CNBD1: variants seen among roughly 807,000 people sequenced by gnomAD.
CNBD1 encodes the protein cyclic nucleotide binding domain containing 1, also known as cyclic nucleotide-binding domain-containing protein 1.
A neutral mutation model predicts 54.4 loss-of-function variants in CNBD1; 71 were observed. The observed-to-expected ratio is 1.30, with a 90% CI of 1.08 to 1.59. CNBD1 has a LOEUF of 1.59. CNBD1 is among the 40% of genes most tolerant of loss of function. CNBD1 has a pLI of 0.00. For missense variants in CNBD1, 659 were observed against 518.0 expected, an observed-to-expected ratio of 1.27 and a Z score of -2.64; for synonymous variants, 182 against 170.7, an observed-to-expected ratio of 1.07 and a Z score of -0.51.
At chr8:87,288,862 A>C (rs1266824705) in intron 8 of CNBD1, among the ~76,000 whole-genome samples, 1 of 152,164 alleles carries the variant, frequency 6.6e-6, no homozygotes, top group Admixed American at 6.6e-5. Flanking sequence ...TGACAATTTC[A>C]TCTGATAATC....
chr8:87,388,164 A>G (rs1390975712), intron 2 of CNBD1, among the ~76,000 whole-genome samples: 1 of 152,190 alleles, frequency 6.6e-6, no homozygotes, highest in Non-Finnish European at 1.5e-5. Context: ...AAGATCTAAA[A>G]TTGACACCCT....
At chr8:87,282,297 A>T (rs943129892) in intron 6 of CNBD1, among the ~76,000 whole-genome samples, 1 of 151,684 alleles carries the variant, frequency 6.6e-6, no homozygotes, top group Non-Finnish European at 1.5e-5. Flanking sequence ...AAAGAGTACC[A>T]TATTAGTCAT....
Position 86,870,868 on chromosome 8 carries a change from A to T in CNBD1, c.88+4285A>T, listed in dbSNP as rs181882036. On this transcript the variant is annotated intron_variant, in intron 1 of 10. Coordinates refer to ENST00000518476, the MANE Select transcript of CNBD1 (RefSeq NM_173538.3). Reference sequence around the variant, plus strand: ...ATTCCAAGAAGGAGTAAAAGGTGGGAAAAAGGTTGAATGTTTGTGTCCATT... The same window carrying T: ...ATTCCAAGAAGGAGTAAAAGGTGGGTAAAAGGTTGAATGTTTGTGTCCATT... Among the ~76,000 whole-genome samples the T allele has an allele frequency of 3.7e-3, 568 of 152,274 alleles. 2 individuals are homozygous for T. Among genetic ancestry groups the T allele is most frequent in the Admixed American group, 4.4e-3 (67 of 15,304 alleles).
chr8:87,136,743 T>TTTATAATATATATAAATTATATATTAC (rs1812240780), intron 4 of CNBD1, among the ~76,000 whole-genome samples: 2 of 18,572 alleles, frequency 1.1e-4, no homozygotes, highest in African/African-American at 3.2e-4. Flanking sequence ...TTATATATTA[T>TTTATAATATATATAAATTATATATTAC]ATTTATAATA....
chr8:87,278,876 T>A (rs1435874091), intron 6 of CNBD1, among the ~76,000 whole-genome samples: 10 of 151,328 alleles, frequency 6.6e-5, no homozygotes, highest in African/African-American at 2.2e-4. Flanking sequence ...TGTAAAAAAA[T>A]TTTTCAATCC....
intron 3 of CNBD1, among the ~76,000 whole-genome samples, chr8:86,911,545 A>G (rs1187483095): frequency 6.6e-6 from 1 of 152,184 alleles, no homozygotes; most frequent in Non-Finnish European, 1.5e-5. Context: ...TAATCAAATC[A>G]TGGTAGTTGA....
At chr8:87,277,001 A>G (rs1247905767) in intron 6 of CNBD1, among the ~76,000 whole-genome samples, 1 of 151,566 alleles carries the variant, frequency 6.6e-6, no homozygotes, top group African/African-American at 2.4e-5. Context: ...TGAAATACAC[A>G]TCTGGTTGAA....
chr8:86,954,425 C>T (rs866227161), intron 4 of CNBD1, among the ~76,000 whole-genome samples: 3 of 152,238 alleles, frequency 2.0e-5, no homozygotes, highest in South Asian at 2.1e-4. Flanking sequence ...CCAAATAATA[C>T]TCTTTTGAAT....
intron 6 of CNBD1, among the ~76,000 whole-genome samples, chr8:87,264,912 A>G (rs1808217011): frequency 1.3e-5 from 2 of 152,038 alleles, no homozygotes; most frequent in African/African-American, 4.8e-5. Context: ...CCTTTGTCAG[A>G]TGAGTAGATT....
At chr8:87,305,560 A>G (rs1731720944) in intron 8 of CNBD1, among the ~76,000 whole-genome samples, 1 of 152,224 alleles carries the variant, frequency 6.6e-6, no homozygotes, top group Non-Finnish European at 1.5e-5. Flanking sequence ...AAATAGGCAC[A>G]TAGACCCATG....
intron 4 of CNBD1, among the ~76,000 whole-genome samples, chr8:86,951,584 A>C (rs1586157511): frequency 9.2e-6 from 1 of 108,124 alleles, no homozygotes; most frequent in East Asian, 2.2e-4. Flanking sequence ...CGTCTCACAA[A>C]AAAAAAAAAA....
rs1372106475 is a variant in CNBD1 at position 87,141,010 on chromosome 8, A to G, written c.432-64983A>G. Among the ~76,000 whole-genome samples the G allele has an allele frequency of 3.3e-5, 5 of 152,250 alleles. 1 individual carries two copies. The highest frequency in any genetic ancestry group is 9.6e-5 in the African/African-American group (4 of 41,536). On this transcript the variant is annotated intron_variant, in intron 4 of 10. Transcript: ENST00000518476. ...AGACCATAAAAGGAACATGTTTCCT[A>G]AAGTTTTTACTTCTGAACATTAATA...
intron 2 of CNBD1, among the ~76,000 whole-genome samples, chr8:87,398,797 T>G (rs1174469991): frequency 6.6e-6 from 1 of 152,028 alleles, no homozygotes; most frequent in South Asian, 2.1e-4. Flanking sequence ...CATGCCATTT[T>G]TAAAGTTTCT....
intron 4 of CNBD1, among the ~76,000 whole-genome samples, chr8:87,020,852 A>G (rs1379028985): frequency 6.6e-6 from 1 of 152,202 alleles, no homozygotes; most frequent in Non-Finnish European, 1.5e-5. Context: ...AAGTCCAATG[A>G]AAAACCATTT....
rs533946201 is a variant in CNBD1 at position 86,931,272 on chromosome 8, G to A, written c.273-8324G>A. Among the ~76,000 whole-genome samples the A allele has an allele frequency of 1.2e-4, 18 of 152,222 alleles. No homozygotes were observed. The South Asian group carries it at 1.2e-3, about 11-fold the overall frequency. ...TGTCCAGGAAGAAGTCAATTTCCTG[G>A]CCCTCAGTGGTTAAACTTACCTGGG... On this transcript the variant is annotated intron_variant, in intron 3 of 10. Transcript: ENST00000518476.
At chr8:87,134,415 G>T (rs566662194) in intron 4 of CNBD1, among the ~76,000 whole-genome samples, 1 of 152,070 alleles carries the variant, frequency 6.6e-6, no homozygotes. Flanking sequence ...TGTTCTTTCA[G>T]TTGCTTTGTT....
At chr8:86,917,820 G>T (rs562882730) in intron 3 of CNBD1, among the ~76,000 whole-genome samples, 1 of 151,958 alleles carries the variant, frequency 6.6e-6, no homozygotes, top group African/African-American at 2.4e-5. Flanking sequence ...ACCAAGTCCA[G>T]AAAAAGATAT....
chr8:87,368,661 A>G (rs143669478), intron 10 of CNBD1, among the ~76,000 whole-genome samples: 77 of 152,060 alleles, frequency 5.1e-4, no homozygotes, highest in Non-Finnish European at 7.1e-4. Context: ...AGAGAGTGAG[A>G]GAGAGACAGA....
At chr8:87,177,184 T>C (rs1204348833) in intron 4 of CNBD1, among the ~76,000 whole-genome samples, 2 of 152,224 alleles carry the variant, frequency 1.3e-5, no homozygotes, top group East Asian at 3.8e-4. Flanking sequence ...TTCATTTCTT[T>C]CCCTTGGAGC....
Sources: allele counts gnomAD v4.1 joint callset (sites outside exome capture counted in the v4.1 genomes callset), GRCh38; gene constraint gnomAD v4.1.1; transcripts MANE v1.5; gene names NCBI Gene and HGNC (gene_info 2026-07-23, HGNC 2026-07-21).